OTUD1: variants seen among roughly 807,000 people sequenced by gnomAD.
OTUD1 encodes OTU deubiquitinase 1.
In OTUD1, 15 loss-of-function variants were observed where a neutral mutation model predicts 30.0. That is an observed-to-expected ratio of 0.50 (90% CI 0.33 to 0.77). The LOEUF is 0.77. OTUD1 is among the 30% of genes least tolerant of loss of function. The pLI is 0.02. For missense variants in OTUD1, 796 were observed against 697.8 expected, an observed-to-expected ratio of 1.14 and a Z score of -1.59; for synonymous variants, 381 against 326.3, an observed-to-expected ratio of 1.17 and a Z score of -1.81.
chr10:23,439,811 C>T lies in OTUD1; in HGVS notation c.354C>T (p.Ala118=), dbSNP rs920437425. ...YTSTAQITVR[A]LGADRLLLHG... Reference sequence around the variant, plus strand: ...CCACCGCACAGATCACCGTGCGGGCCCTGGGCGCCGACAGGCTCCTGCTGC... The same window carrying T: ...CCACCGCACAGATCACCGTGCGGGCTCTGGGCGCCGACAGGCTCCTGCTGC... Residue 118 remains alanine (A), a synonymous_variant, in exon 1 of 1, where the codon GCC becomes GCT. Coordinates refer to ENST00000376495, the MANE Select transcript of OTUD1 (RefSeq NM_001145373.3). 9 of 1,127,710 alleles carry T rather than the reference C, an allele frequency of 8.0e-6. No homozygotes were observed. The highest frequency in any genetic ancestry group is 1.1e-4 in the East Asian group (2 of 18,188). 69.9% of individuals were successfully genotyped at this position (1,127,710 alleles called of 1,614,324 possible). A position where few individuals can be genotyped will look rare whatever the true frequency, so the allele number is the denominator to read the frequency against.
At position 23,439,669 on chromosome 10, in the gene OTUD1, A is replaced by G; in HGVS notation, c.212A>G (p.Lys71Arg). The G allele has an allele frequency of 7.7e-7, 1 of 1,294,156 alleles. No individual in the cohort carries two copies. The highest frequency in any genetic ancestry group is 9.9e-7 in the Non-Finnish European group (1 of 1,014,220). The allele number at this position is 1,294,156 out of a possible 1,614,324, so 80.2% of individuals were successfully genotyped here. ...HREAAAVPAA[K>R]MPAFSSCFEV... ...GAAGCCGCCGCTGTCCCCGCCGCCA[A>G]GATGCCCGCCTTCTCCTCCTGCTTC... The change falls in exon 1 of 1, where the codon AAG becomes AGG. Residue 71 changes from lysine (K) to arginine (R), a missense_variant. By Grantham distance (26) the Lys-to-Arg change is conservative. Coordinates refer to ENST00000376495, the MANE Select transcript of OTUD1 (RefSeq NM_001145373.3).
chr10:23,441,497 T>G lies in OTUD1; in HGVS notation c.*594T>G, dbSNP rs181427912. The G allele has an allele frequency of 3.3e-3, 557 of 167,008 alleles. 3 individuals are homozygous for G. Among genetic ancestry groups the G allele is most frequent in the Non-Finnish European group, 6.1e-3 (412 of 68,010 alleles). 10.3% of individuals were successfully genotyped at this position (167,008 alleles called of 1,614,324 possible). ...AGAGCTGTTGTTTTGGAAGTCATTA[T>G]TTTTCTAGAAATGGCGAATCTTTTA... On this transcript the variant is annotated 3_prime_UTR_variant, in exon 1 of 1. Coordinates refer to ENST00000376495, the MANE Select transcript of OTUD1 (RefSeq NM_001145373.3).
rs1236598299 is a variant in OTUD1, at chr10:23,439,705, C to G, written c.248C>G (p.Ser83Cys). The change falls in exon 1 of 1, where the codon TCC becomes TGC. Residue 83 changes from serine (S) to cysteine (C), a missense_variant. By Grantham distance (112) the Ser-to-Cys change is moderately radical. Coordinates refer to ENST00000376495, the MANE Select transcript of OTUD1 (RefSeq NM_001145373.3). ...TTCTCCTCCTGCTTCGAGGTGGTGTCCGGGGCCGCCGCGCCCGCCTCCGCC... is the reference window on the plus strand; with the variant it reads ...TTCTCCTCCTGCTTCGAGGTGGTGTGCGGGGCCGCCGCGCCCGCCTCCGCC... ...PAFSSCFEVV[S>C]GAAAPASAAA... The G allele has an allele frequency of 8.3e-7, 1 of 1,201,118 alleles. No homozygotes were observed. The highest frequency in any genetic ancestry group is 1.6e-5 in the African/African-American group (1 of 61,344). The allele number at this position is 1,201,118 out of a possible 1,614,324, so 74.4% of individuals were successfully genotyped here.
Position 23,439,603 on chromosome 10 carries a change from A to G in OTUD1, c.146A>G (p.Glu49Gly). 7.3e-7 allele frequency: 1 copy of G among 1,361,294 alleles called. No homozygotes were observed. Among genetic ancestry groups the G allele is most frequent in the South Asian group, 1.5e-5 (1 of 65,422 alleles). 84.3% of individuals were successfully genotyped at this position (1,361,294 alleles called of 1,614,324 possible). The change falls in exon 1 of 1, where the codon GAG (glutamate) becomes GGG (glycine). Residue 49 changes from glutamate to glycine, a missense_variant. Glu to Gly is a moderately conservative substitution (Grantham distance 98). Transcript: ENST00000376495. ...PGAAGAAPEP[E>G]TGECQPAAAA... ...GCCGCCGGCGCCGCGCCCGAGCCCG[A>G]GACCGGTGAGTGCCAGCCCGCCGCG...
rs1056951557 is a variant in OTUD1, at chr10:23,439,362, A to C, written c.-96A>C. On this transcript the variant is annotated 5_prime_UTR_variant, in exon 1 of 1. Transcript: ENST00000376495. ...ATCTCTATTCTGGGGCCGTTGGGTC[A>C]CCGCGCTCCGCCGGCCCCCTCCCCC... 9.1e-7 allele frequency: 1 copy of C among 1,097,136 alleles called. No individual in the cohort carries two copies. Among genetic ancestry groups the C allele is most frequent in the African/African-American group, 1.7e-5 (1 of 60,146 alleles). The allele number at this position is 1,097,136 out of a possible 1,614,324, so 68.0% of individuals were successfully genotyped here. A position where few individuals can be genotyped will look rare whatever the true frequency, so the allele number is the denominator to read the frequency against.
Position 23,439,879 on chromosome 10 carries a change from C to T in OTUD1, c.422C>T (p.Ala141Val), listed in dbSNP as rs1847107785. The T allele has an allele frequency of 2.6e-6, 3 of 1,157,830 alleles. No individual in the cohort carries two copies. The highest frequency in any genetic ancestry group is 4.7e-5 in the Admixed American group (1 of 21,288). 71.7% of individuals were successfully genotyped at this position (1,157,830 alleles called of 1,614,324 possible). A position where few individuals can be genotyped will look rare whatever the true frequency, so the allele number is the denominator to read the frequency against. Reference protein sequence around the residue: ...PVPGAAGSAAAPRGRCLLLAP... With the variant: ...PVPGAAGSAAVPRGRCLLLAP... ...CCCGGCGCCGCGGGCTCCGCCGCTGCCCCGCGCGGCCGCTGCCTCCTGCTC... is the reference window on the plus strand; with the variant it reads ...CCCGGCGCCGCGGGCTCCGCCGCTGTCCCGCGCGGCCGCTGCCTCCTGCTC... The change falls in exon 1 of 1, where the codon GCC (alanine) becomes GTC (valine). Residue 141 changes from alanine to valine, a missense_variant. Coordinates refer to ENST00000376495, the MANE Select transcript of OTUD1 (RefSeq NM_001145373.3).
At position 23,441,115 on chromosome 10, in the gene OTUD1, A is replaced by G. The variant is rs1847123000; in HGVS notation, c.*212A>G. On this transcript the variant is annotated 3_prime_UTR_variant, in exon 1 of 1. Transcript: ENST00000376495. Reference sequence around the variant, plus strand: ...TTTCATGATAGCTTTGGGTGATTTTACTGCTATTTATAATTTGCTGTATAA... The same window carrying G: ...TTTCATGATAGCTTTGGGTGATTTTGCTGCTATTTATAATTTGCTGTATAA... The G allele has an allele frequency of 6.9e-6, 4 of 580,584 alleles. No individual in the cohort carries two copies. The allele number at this position is 580,584 out of a possible 1,614,324, so 36.0% of individuals were successfully genotyped here.
chr10:23,439,563 C>G lies in OTUD1; in HGVS notation c.106C>G (p.Leu36Val). ...CGCCGCTACCCCCTTCAAGGTCTCG[C>G]TGCAGCCCCCGGGAGCCGCCGGCGC... ...PAAATPFKVSLQPPGAAGAAP... is the reference protein window; with the variant it reads ...PAAATPFKVSVQPPGAAGAAP... The change falls in exon 1 of 1, where the codon CTG (leucine) becomes GTG (valine). Residue 36 changes from leucine to valine, a missense_variant. Physicochemically the swap from Leu to Val is conservative, Grantham distance 32. Transcript: ENST00000376495. 1 of 1,383,722 alleles carries G rather than the reference C, an allele frequency of 7.2e-7. No homozygotes were observed. The allele number at this position is 1,383,722 out of a possible 1,614,324, so 85.7% of individuals were successfully genotyped here.
chr10:23,440,831 C>T lies in OTUD1; in HGVS notation c.1374C>T (p.Arg458=), dbSNP rs1441831141. The T allele has an allele frequency of 2.6e-6, 4 of 1,551,940 alleles. No homozygotes were observed. Among genetic ancestry groups the T allele is most frequent in the Non-Finnish European group, 2.6e-6 (3 of 1,147,082 alleles). The stretch of plus-strand genomic sequence containing the variant: ...AACAAACTCAAGTGCAAAGGAAACG[C>T]GACGAAGAACTTGCCAAATCTATGG... The part of the protein sequence containing the change: ...WCKQTQVQRK[R]DEELAKSMAI... Residue 458 remains arginine (R), a synonymous_variant, in exon 1 of 1, where the codon CGC becomes CGT. Transcript: ENST00000376495.
chr10:23,440,745 G>C lies in OTUD1; in HGVS notation c.1288G>C (p.Gly430Arg). The C allele has an allele frequency of 6.4e-7, 1 of 1,552,042 alleles. No individual in the cohort carries two copies. The highest frequency in any genetic ancestry group is 8.7e-7 in the Non-Finnish European group (1 of 1,147,078). Residue 430 changes from glycine (G) to arginine (R), a missense_variant, in exon 1 of 1, where the codon GGA becomes CGA. Coordinates refer to ENST00000376495, the MANE Select transcript of OTUD1 (RefSeq NM_001145373.3). ...TATTTGGCTCAGTTGGCTCAGTAAC[G>C]GACACTATGATGCTGTATTTGATCA... ...PSIWLSWLSN[G>R]HYDAVFDHSY...
At position 23,440,974 on chromosome 10, in the gene OTUD1, T is replaced by C. The variant is rs572486106; in HGVS notation, c.*71T>C. On this transcript the variant is annotated 3_prime_UTR_variant, in exon 1 of 1. Coordinates refer to ENST00000376495, the MANE Select transcript of OTUD1 (RefSeq NM_001145373.3). ...TGTGTTTGGAGAATCACATGAACTT[T>C]AATCAGGGTAATAGCACTTTCAAAC... The C allele has an allele frequency of 6.5e-4, 932 of 1,435,528 alleles. 2 individuals carry two copies. Among genetic ancestry groups the C allele is most frequent in the Non-Finnish European group, 7.9e-4 (844 of 1,066,940 alleles). The allele number at this position is 1,435,528 out of a possible 1,614,324, so 88.9% of individuals were successfully genotyped here. A position where few individuals can be genotyped will look rare whatever the true frequency, so the allele number is the denominator to read the frequency against.
Position 23,439,130 on chromosome 10 carries a change from G to A in OTUD1, c.-328G>A, listed in dbSNP as rs7071200. ...CGGGACGCGCTCCAACGGGGCGGGC[G>A]GCTTCCTCCGTGAGTCCCCAGCGGC... On this transcript the variant is annotated 5_prime_UTR_variant, in exon 1 of 1. Transcript: ENST00000376495. 0.052 allele frequency among the ~76,000 whole-genome samples: 7,794 copies of A among 150,992 alleles called. 659 individuals carry two copies. The highest frequency in any genetic ancestry group is 0.17 in the African/African-American group (7,170 of 41,382).
rs1564551018 is a variant in OTUD1 at position 23,439,657 on chromosome 10, TC to T, written c.204del (p.Ala69ProfsTer127). 6.9e-6 allele frequency: 9 copies of T among 1,295,768 alleles called. No individual in the cohort carries two copies. The highest frequency in any genetic ancestry group is 6.3e-5 in the Admixed American group (2 of 31,870). 80.3% of individuals were successfully genotyped at this position (1,295,768 alleles called of 1,614,324 possible). ...AAAEHREAAAVPAAKMPAFSS... is the reference protein window; with the variant it reads ...AAAEHREAAAXPAAKMPAFSS... ...GCCGAGCACCGGGAAGCCGCCGCTG[TC>T]CCCGCCGCCAAGATGCCCGCCTTCT... On this transcript the variant is annotated frameshift_variant, in exon 1 of 1. Transcript: ENST00000376495. LOFTEE classifies it high-confidence loss of function.
rs1257074542 is a variant in OTUD1, at chr10:23,440,388, C to G, written c.931C>G (p.Arg311Gly). The change falls in exon 1 of 1, where the codon CGA (arginine) becomes GGA (glycine). Residue 311 changes from arginine (R) to glycine (G), a missense_variant. Transcript: ENST00000376495. ...DKYLRQRNKYRFHIIPDGNCL... is the reference protein window; with the variant it reads ...DKYLRQRNKYGFHIIPDGNCL... ...GTATCTGCGGCAGAGGAATAAGTAC[C>G]GATTCCACATCATTCCAGACGGCAA... The G allele has an allele frequency of 3.9e-6, 6 of 1,551,484 alleles. No individual in the cohort carries two copies. The highest frequency in any genetic ancestry group is 5.2e-6 in the Non-Finnish European group (6 of 1,147,008).
rs1051926687 is a variant in OTUD1, at chr10:23,439,120, C to G, written c.-338C>G. On this transcript the variant is annotated 5_prime_UTR_variant, in exon 1 of 1. Coordinates refer to ENST00000376495, the MANE Select transcript of OTUD1 (RefSeq NM_001145373.3). ...TCCTCGCCGGCGGGACGCGCTCCAA[C>G]GGGGCGGGCGGCTTCCTCCGTGAGT... Among the ~76,000 whole-genome samples, 6 of 150,816 alleles carry G rather than the reference C, an allele frequency of 4.0e-5. No homozygotes were observed. The highest frequency in any genetic ancestry group is 1.5e-4 in the African/African-American group (6 of 41,312).
Position 23,439,241 on chromosome 10 carries a change from T to TCCCCGC in OTUD1, c.-212_-207dup, listed in dbSNP as rs1847098052. ...CGGCAGGGGTCGAGCTCGCGTCCCGTCCCCGCCCCCCTGCGCTGTGGCGCA... is the reference window on the plus strand; with the variant it reads ...CGGCAGGGGTCGAGCTCGCGTCCCGTCCCCGCCCCCGCCCCCCTGCGCTGTGGCGCA... On this transcript the variant is annotated 5_prime_UTR_variant, in exon 1 of 1. Transcript: ENST00000376495. Among the ~76,000 whole-genome samples, 2 of 150,612 alleles carry TCCCCGC rather than the reference T, an allele frequency of 1.3e-5. No individual in the cohort carries two copies. Among genetic ancestry groups the TCCCCGC allele is most frequent in the African/African-American group, 2.4e-5 (1 of 40,896 alleles).
Position 23,440,790 on chromosome 10 carries a change from T to A in OTUD1, c.1333T>A (p.Tyr445Asn), listed in dbSNP as rs2132481007. 6.4e-7 allele frequency: 1 copy of A among 1,552,118 alleles called. No homozygotes were observed. Among genetic ancestry groups the A allele is most frequent in the South Asian group, 1.2e-5 (1 of 84,062 alleles). ...TGATCACTCCTATCCTAACCCAGAG[T>A]ACGACAACTGGTGCAAACAAACTCA... ...VFDHSYPNPEYDNWCKQTQVQ... is the reference protein window; with the variant it reads ...VFDHSYPNPENDNWCKQTQVQ... Residue 445 changes from tyrosine (Y) to asparagine (N), a missense_variant, in exon 1 of 1, where the codon TAC becomes AAC. Transcript: ENST00000376495.
At position 23,439,317 on chromosome 10, in the gene OTUD1, C is replaced by G. The variant is rs1847099069; in HGVS notation, c.-141C>G. ...GCTATTCGCGGCTGCTGACTCGCGG[C>G]GGCCGGCTGCCTTTCGCTCATCTCT... On this transcript the variant is annotated 5_prime_UTR_variant, in exon 1 of 1. Coordinates refer to ENST00000376495, the MANE Select transcript of OTUD1 (RefSeq NM_001145373.3). 2.9e-6 allele frequency: 2 copies of G among 698,452 alleles called. No individual in the cohort carries two copies. Among genetic ancestry groups the G allele is most frequent in the Non-Finnish European group, 2.0e-6 (1 of 511,864 alleles). 43.3% of individuals were successfully genotyped at this position (698,452 alleles called of 1,614,324 possible).
Position 23,440,380 on chromosome 10 carries a change from A to G in OTUD1, c.923A>G (p.Asn308Ser), listed in dbSNP as rs1847114823. 4 of 1,551,586 alleles carry G rather than the reference A, an allele frequency of 2.6e-6. No homozygotes were observed. Among genetic ancestry groups the G allele is most frequent in the Non-Finnish European group, 3.5e-6 (4 of 1,146,984 alleles). ...CAGGACAAGTATCTGCGGCAGAGGA[A>G]TAAGTACCGATTCCACATCATTCCA... is the stretch of plus-strand genomic sequence containing the variant. Reference protein sequence around the residue: ...EKQDKYLRQRNKYRFHIIPDG... With the variant: ...EKQDKYLRQRSKYRFHIIPDG... Residue 308 changes from asparagine to serine, a missense_variant, in exon 1 of 1, where the codon AAT becomes AGT. By Grantham distance (46) the Asn-to-Ser change is conservative. Transcript: ENST00000376495.
Sources: allele counts gnomAD v4.1 joint callset (sites outside exome capture counted in the v4.1 genomes callset), GRCh38; gene constraint gnomAD v4.1.1; transcripts MANE v1.5; gene names NCBI Gene and HGNC (gene_info 2026-07-23, HGNC 2026-07-21).